Variants in DNAH3 observed in about 807,000 individuals in gnomAD.
DNAH3 encodes axonemal beta dynein heavy chain 3.
DNAH3 carries 332 observed loss-of-function variants against 432.5 expected under a neutral mutation model. That is an observed-to-expected ratio of 0.77 (90% CI 0.70 to 0.84). The LOEUF is 0.84. Ranked by LOEUF, DNAH3 falls within the 40% of genes least tolerant of loss-of-function variation. DNAH3 has a pLI of 0.00. For synonymous variants in DNAH3, 1,956 were observed against 1,900.2 expected (o/e 1.03, Z -0.76); for missense variants, 4,861 against 5,114.0 (o/e 0.95, Z 1.51).
intron 31 of DNAH3, among the ~76,000 whole-genome samples, chr16:21,048,203 C>T (rs2089794841): frequency 1.3e-5 from 2 of 152,388 alleles, no homozygotes; most frequent in South Asian, 4.1e-4. Flanking sequence ...GTGGGCTCCA[C>T]CCAGTTCGAG....
intron 56 of DNAH3, among the ~76,000 whole-genome samples, chr16:20,949,424 A>G (rs1017499283): frequency 6.6e-6 from 1 of 152,158 alleles, no homozygotes; most frequent in Admixed American, 6.6e-5. Flanking sequence ...AACTTTTATT[A>G]TAGCATATTG....
intron 42 of DNAH3, 126 bp downstream of exon 42, chr16:21,002,978 A>T (rs2087103805): frequency 1.4e-6 from 1 of 695,102 alleles, no homozygotes; most frequent in African/African-American, 1.8e-5. Context: ...ACTGCAGCTC[A>T]TGTTTAAATA....
At chr16:21,020,398 T>TATATATATATATA (rs59031070) in intron 40 of DNAH3, among the ~76,000 whole-genome samples, 2 of 21,862 alleles carry the variant, frequency 9.1e-5, no homozygotes, top group South Asian at 3.1e-3. Flanking sequence ...TATATATATA[T>TATATATATATATA]TTTTTTTTTT....
At chr16:21,022,748 A>G (rs550130549) in intron 39 of DNAH3, among the ~76,000 whole-genome samples, 4 of 143,756 alleles carry the variant, frequency 2.8e-5, no homozygotes, top group African/African-American at 1.0e-4. Context: ...TACTTACTAA[A>G]TTTTTTTTTT....
At chr16:21,002,053 G>A (rs769363004) in intron 42 of DNAH3, among the ~76,000 whole-genome samples, 4 of 152,096 alleles carry the variant, frequency 2.6e-5, no homozygotes, top group Non-Finnish European at 4.4e-5. Flanking sequence ...AGCCCCCAAG[G>A]TGTGTCCTGA....
intron 44 of DNAH3, among the ~76,000 whole-genome samples, chr16:20,996,398 C>A (rs918993509): frequency 2.1e-4 from 32 of 152,250 alleles, no homozygotes; most frequent in Non-Finnish European, 4.0e-4. Context: ...TTTATTAATG[C>A]CTGCTTTGGG....
At chr16:20,970,279 C>A (rs142165166) in intron 51 of DNAH3, among the ~76,000 whole-genome samples, 170 of 152,308 alleles carry the variant, frequency 1.1e-3, no homozygotes, top group Middle Eastern at 0.01. Flanking sequence ...AATCCCAGCA[C>A]TTTGGGAGGC....
At chr16:21,146,970 GGC>G (rs1427043817) in intron 1 of DNAH3, among the ~76,000 whole-genome samples, 1 of 151,888 alleles carries the variant, frequency 6.6e-6, no homozygotes, top group African/African-American at 2.4e-5. Flanking sequence ...ATGTTGGCCA[GGC>G]TGGTCTTGAA....
chr16:21,081,818 T>C, intron 19 of DNAH3, 91 bp from the exon 20 acceptor site: 1 of 1,074,152 alleles, frequency 9.3e-7, no homozygotes. Context: ...TCTTTTTATC[T>C]GCACTGCTCA....
intron 19 of DNAH3, among the ~76,000 whole-genome samples, chr16:21,083,625 A>G (rs945986866): frequency 6.6e-6 from 1 of 152,318 alleles, no homozygotes; most frequent in Admixed American, 6.5e-5. Context: ...GTAAATGACC[A>G]GAACCCCCAG....
chr16:20,979,240 G>A (rs973797340), intron 50 of DNAH3, 90 bp downstream of exon 50: 1 of 1,176,728 alleles, frequency 8.5e-7, no homozygotes, highest in African/African-American at 1.5e-5. Context: ...TTGATCTGGT[G>A]TCCTCTTAAT....
At chr16:20,990,938 T>G (rs2086523969) in intron 44 of DNAH3, among the ~76,000 whole-genome samples, 1 of 152,158 alleles carries the variant, frequency 6.6e-6, no homozygotes, top group Non-Finnish European at 1.5e-5. Context: ...GGAGAATTGC[T>G]TGAATCCGGG....
At chr16:21,058,107 G>T (rs778531666) in exon 27 of DNAH3, 2 of 1,610,470 alleles carry the variant, frequency 1.2e-6, no homozygotes, top group Non-Finnish European at 1.7e-6. Flanking sequence ...TTTCCGCCAG[G>T]GCTTGGGACA....
chr16:20,972,171 G>A (rs984040193), intron 51 of DNAH3, among the ~76,000 whole-genome samples: 1 of 152,040 alleles, frequency 6.6e-6, no homozygotes, highest in Non-Finnish European at 1.5e-5. Flanking sequence ...CAGGTTGCCC[G>A]ATGTTTTCCA....
At chr16:21,124,081 CG>C (rs1363575608) in intron 9 of DNAH3, among the ~76,000 whole-genome samples, 6 of 152,150 alleles carry the variant, frequency 3.9e-5, no homozygotes, top group Non-Finnish European at 7.4e-5. Context: ...CGTGAGCCAC[CG>C]TGCCTGGCCA....
At chr16:21,089,195 G>A (rs796725929) in intron 18 of DNAH3, among the ~76,000 whole-genome samples, 16 of 152,294 alleles carry the variant, frequency 1.1e-4, no homozygotes, top group African/African-American at 3.6e-4. Context: ...CACATTCTCA[G>A]TTAATGAGAA....
chr16:21,155,558 G>A lies in DNAH3; in HGVS notation c.117+3767C>T, dbSNP rs547982682. Among the ~76,000 whole-genome samples, 3 of 141,614 alleles carry A rather than the reference G, an allele frequency of 2.1e-5. No individual in the cohort carries two copies. The East Asian group carries it at 6.7e-4, about 32-fold the overall frequency. 92.9% of individuals were successfully genotyped at this position (141,614 alleles called of 152,430 possible). A position where few individuals can be genotyped will look rare whatever the true frequency, so the allele number is the denominator to read the frequency against. ...AATCATTTGAACCCAGGAGGTGGAG[G>A]TTGCAGTAAGCCGAGATAGCGCCAC... is the stretch of plus-strand genomic sequence containing the variant. On this transcript the variant is annotated intron_variant, in intron 1 of 61. Coordinates refer to ENST00000261383, the Ensembl canonical transcript of DNAH3.
chr16:20,954,700 T>C, intron 55 of DNAH3, 113 bp downstream of exon 55: 1 of 1,197,644 alleles, frequency 8.3e-7, no homozygotes. Context: ...ATTTATACCG[T>C]ATCTTACTGG....
chr16:21,136,531 C>T lies in DNAH3; in HGVS notation c.697-18G>A. 1 of 1,612,464 alleles carries T rather than the reference C, an allele frequency of 6.2e-7. No homozygotes were observed. Among genetic ancestry groups the T allele is most frequent in the Non-Finnish European group, 8.5e-7 (1 of 1,178,516 alleles). On this transcript the variant is annotated intron_variant, in intron 5 of 61. Coordinates refer to ENST00000261383, the Ensembl canonical transcript of DNAH3. ...TAGTATCTCTTCCATAAACAAACCA[C>T]CAGCGAGAAAATGGTCATGATTGGA...
Sources: allele counts gnomAD v4.1 joint callset (sites outside exome capture counted in the v4.1 genomes callset), GRCh38; gene constraint gnomAD v4.1.1; transcripts MANE v1.5; gene names NCBI Gene and HGNC (gene_info 2026-07-23, HGNC 2026-07-21).